ERCC5: variants seen among roughly 807,000 people sequenced by gnomAD.
The protein encoded by ERCC5 is DNA excision repair protein ERCC-5.
A neutral mutation model predicts 105.6 loss-of-function variants in ERCC5; 68 were observed. That is an observed-to-expected ratio of 0.64 (90% CI 0.53 to 0.79). The LOEUF is 0.79. Among genes scored for constraint, ERCC5 ranks in the 30% least tolerant of loss-of-function variants. ERCC5 has a pLI of 0.00. For missense variants in ERCC5, 1,373 were observed against 1,426.7 expected (o/e 0.96, Z 0.61); for synonymous variants, 546 against 526.2 (o/e 1.04, Z -0.51).
rs1398859639 is a variant in ERCC5 at position 102,875,969 on chromosome 13, G to A, written c.*66G>A. ...TTTGTAATGAATTTGTCGCAAAGAC[G>A]TAATAAAATTAACTGGTGGCACGGT... is the stretch of plus-strand genomic sequence containing the variant. On this transcript the variant is annotated 3_prime_UTR_variant, in exon 15 of 15. Transcript: ENST00000652225. 16 of 1,574,688 alleles carry A rather than the reference G, an allele frequency of 1.0e-5. No individual in the cohort carries two copies. Among genetic ancestry groups the A allele is most frequent in the African/African-American group, 5.4e-5 (4 of 73,540 alleles).
Position 102,875,855 on chromosome 13 carries a change from GA to G in ERCC5, c.3517del (p.Arg1173GlufsTer4), listed in dbSNP as rs748404699. ...TGACCGCCAGATCTGTGTTTGGGAA[GA>G]AAAGAAGGAAACTAAGACGTGCGAG... ...LVTARSVFGK[K>X]RRKLRRARGR... On this transcript the variant is annotated frameshift_variant, in exon 15 of 15. Transcript: ENST00000652225. LOFTEE classifies it low-confidence loss of function (END_TRUNC). 1 of 1,612,104 alleles carries G rather than the reference GA, an allele frequency of 6.2e-7. No individual in the cohort carries two copies.
rs578239470 is a variant in ERCC5 at position 102,869,996 on chromosome 13, A to C, written c.2678+1739A>C. On this transcript the variant is annotated intron_variant, in intron 12 of 14. Coordinates refer to ENST00000652225, the MANE Select transcript of ERCC5 (RefSeq NM_000123.4). ...CAGCTCGTTGATGCCAGATAGGAGC[A>C]GCCTTCGCTCTGCCTGGCTCAGGAC... Among the ~76,000 whole-genome samples the C allele has an allele frequency of 1.4e-4, 21 of 152,344 alleles. 1 individual carries two copies. The East Asian group carries it at 4.0e-3, about 29-fold the overall frequency.
chr13:102,875,961 G>A lies in ERCC5; in HGVS notation c.*58G>A, dbSNP rs572534025. 9.7e-5 allele frequency: 154 copies of A among 1,583,438 alleles called. 1 individual carries two copies. In the South Asian group the frequency reaches 1.0e-3, roughly 11 times the overall value. ...GACAGCCATTTGTAATGAATTTGTC[G>A]CAAAGACGTAATAAAATTAACTGGT... is the stretch of plus-strand genomic sequence containing the variant. On this transcript the variant is annotated 3_prime_UTR_variant, in exon 15 of 15. Coordinates refer to ENST00000652225, the MANE Select transcript of ERCC5 (RefSeq NM_000123.4).
Position 102,856,247 on chromosome 13 carries a change from C to T in ERCC5, c.528+135C>T, listed in dbSNP as rs544938192. On this transcript the variant is annotated intron_variant, in intron 5 of 14. Transcript: ENST00000652225. ...AAAGACAGATGGCTTTTTGGTTGTG[C>T]ATATATATGTGTACATGTATGTATT... 6 of 792,996 alleles carry T rather than the reference C, an allele frequency of 7.6e-6. No individual in the cohort carries two copies. In the South Asian group the frequency reaches 9.4e-5, roughly 12 times the overall value. The allele number at this position is 792,996 out of a possible 1,614,324, so 49.1% of individuals were successfully genotyped here.
At chr13:102,868,660 G>A (rs1882928036) in intron 12 of ERCC5, among the ~76,000 whole-genome samples, 1 of 152,238 alleles carries the variant, frequency 6.6e-6, no homozygotes, top group African/African-American at 2.4e-5. Flanking sequence ...AAAGCAAATT[G>A]TACTTGTCTG....
chr13:102,866,506 G>A (rs1157807903), intron 10 of ERCC5, 125 bp downstream of exon 10: 9 of 1,600,494 alleles, frequency 5.6e-6, no homozygotes, highest in South Asian at 5.6e-5. Flanking sequence ...TTCCCTGGGG[G>A]TCACTGTGTG....
chr13:102,849,703 A>G (rs907058616), intron 1 of ERCC5, among the ~76,000 whole-genome samples: 1 of 152,130 alleles, frequency 6.6e-6, no homozygotes, highest in Admixed American at 6.5e-5. Context: ...GCAGTGCACA[A>G]ATTGCCCGGG....
chr13:102,864,430 C>A (rs565230819), intron 8 of ERCC5, among the ~76,000 whole-genome samples: 34 of 152,218 alleles, frequency 2.2e-4, no homozygotes, highest in African/African-American at 7.7e-4. Flanking sequence ...TCTTTTCCTT[C>A]TCCCCATTTA....
intron 3 of ERCC5, 98 bp downstream of exon 3, chr13:102,853,970 C>A: frequency 2.5e-6 from 3 of 1,219,156 alleles, no homozygotes; most frequent in East Asian, 2.4e-5. Context: ...AATTTTGACT[C>A]TCAACAGAAA....
intron 6 of ERCC5, among the ~76,000 whole-genome samples, chr13:102,861,223 C>T (rs545941854): frequency 8.6e-5 from 13 of 151,940 alleles, no homozygotes; most frequent in African/African-American, 2.4e-4. Flanking sequence ...TCCTGACCTC[C>T]GGTGGTCCAC....
intron 14 of ERCC5, among the ~76,000 whole-genome samples, chr13:102,874,211 A>T (rs1206043970): frequency 6.6e-6 from 1 of 152,114 alleles, no homozygotes; most frequent in Non-Finnish European, 1.5e-5. Flanking sequence ...ATTTTTCCAA[A>T]ATTAGAAAAT....
intron 4 of ERCC5, among the ~76,000 whole-genome samples, chr13:102,854,679 T>C (rs1882340636): frequency 6.6e-6 from 1 of 152,244 alleles, no homozygotes; most frequent in Non-Finnish European, 1.5e-5. Context: ...ACATGCTGTC[T>C]CTAGCTGCTT....
intron 14 of ERCC5, 35 bp from the exon 15 acceptor site, chr13:102,875,272 G>C (rs765254801): frequency 6.3e-7 from 1 of 1,599,414 alleles, no homozygotes; most frequent in Non-Finnish European, 8.5e-7. Context: ...TTACTTGTCT[G>C]ATTTATTATT....
intron 5 of ERCC5, among the ~76,000 whole-genome samples, chr13:102,856,618 G>C (rs1303570718): frequency 2.6e-5 from 4 of 152,074 alleles, no homozygotes; most frequent in African/African-American, 9.7e-5. Flanking sequence ...ATTTGTTATC[G>C]TCATCTGTCT....
chr13:102,868,333 A>G, intron 12 of ERCC5, 76 bp downstream of exon 12: 1 of 1,568,582 alleles, frequency 6.4e-7, no homozygotes, highest in Admixed American at 1.7e-5. Flanking sequence ...TATTTACAGC[A>G]TGAACTGTCA....
rs184274263 is a variant in ERCC5 at position 102,846,204 on chromosome 13, A to T, written c.-63A>T. The T allele has an allele frequency of 4.7e-4, 664 of 1,403,648 alleles. 1 individual carries two copies. The African/African-American group carries it at 8.7e-3, about 18-fold the overall frequency. 86.9% of individuals were successfully genotyped at this position (1,403,648 alleles called of 1,614,324 possible). On this transcript the variant is annotated 5_prime_UTR_variant, in exon 1 of 15. Coordinates refer to ENST00000652225, the MANE Select transcript of ERCC5 (RefSeq NM_000123.4). The stretch of plus-strand genomic sequence containing the variant: ...CTCCCGGGGTCCTAGGCGGCGGTGC[A>T]GTCCGTCGTAGAAGAATTAGAGTAG...
chr13:102,848,150 G>A (rs1420109250), intron 1 of ERCC5, among the ~76,000 whole-genome samples: 2 of 73,024 alleles, frequency 2.7e-5, no homozygotes, highest in Non-Finnish European at 5.3e-5. Flanking sequence ...AAAGGACTGT[G>A]AAAGACATTC....
intron 12 of ERCC5, 57 bp from the exon 13 acceptor site, chr13:102,872,141 G>A (rs1883053756): frequency 1.1e-5 from 18 of 1,568,010 alleles, no homozygotes; most frequent in Middle Eastern, 1.7e-4. Flanking sequence ...TTCATCCATA[G>A]TGTATGAACT....
chr13:102,850,972 G>A (rs11069498), intron 1 of ERCC5, among the ~76,000 whole-genome samples: 71,351 of 151,980 alleles, frequency 0.47, 18,582 homozygotes, highest in Non-Finnish European at 0.59. Flanking sequence ...AGAGCGCGGT[G>A]TCACTCTTTC....
Sources: gnomAD v4.1 joint callset for allele counts (sites outside exome capture counted in the v4.1 genomes callset) on GRCh38, gnomAD v4.1.1 for gene constraint, MANE v1.5 for transcripts, NCBI Gene and HGNC (gene_info 2026-07-23, HGNC 2026-07-21) for gene names.